CFAP100: variants seen among roughly 807,000 people sequenced by gnomAD.
The protein encoded by CFAP100 is cilia and flagella associated protein 100, also known as cilia- and flagella-associated protein 100.
Under a neutral mutation model 81.5 loss-of-function variants are expected in CFAP100, and 70 were observed. The observed-to-expected ratio is 0.86, with a 90% CI of 0.71 to 1.05. CFAP100 has a LOEUF of 1.05. Among genes scored for constraint, CFAP100 ranks in the 50% least tolerant of loss-of-function variants. The pLI, the probability that CFAP100 is intolerant of heterozygous loss-of-function variation, is 0.00. For synonymous variants in CFAP100, 341 were observed against 314.8 expected, an observed-to-expected ratio of 1.08 and a Z score of -0.88; for missense variants, 811 against 776.5, an observed-to-expected ratio of 1.04 and a Z score of -0.53.
Position 126,433,224 on chromosome 3 carries a change from G to A in CFAP100, c.1422+20G>A. 8.1e-6 allele frequency: 13 copies of A among 1,613,688 alleles called. No homozygotes were observed. The highest frequency in any genetic ancestry group is 1.1e-5 in the Non-Finnish European group (13 of 1,179,748). On this transcript the variant is annotated intron_variant, in intron 14 of 16. Coordinates refer to ENST00000352312, the MANE Select transcript of CFAP100 (RefSeq NM_182628.3). Reference sequence around the variant, plus strand: ...CAGCAGGTAGGCTGGGGATCAAGGTGGCCAGAGGCCCAGGGTAAGGAGGGA... The same window carrying A: ...CAGCAGGTAGGCTGGGGATCAAGGTAGCCAGAGGCCCAGGGTAAGGAGGGA...
chr3:126,399,873 G>A (rs759652033), intron 2 of CFAP100, among the ~76,000 whole-genome samples: 6 of 152,182 alleles, frequency 3.9e-5, no homozygotes, highest in Non-Finnish European at 8.8e-5. Flanking sequence ...GGTGGCCTGT[G>A]TTCCCGGTAC....
chr3:126,423,749 C>A, intron 13 of CFAP100, 105 bp downstream of exon 13: 1 of 1,382,488 alleles, frequency 7.2e-7, no homozygotes, highest in Non-Finnish European at 1.0e-6. Flanking sequence ...CCGTCCGTGG[C>A]CCTGGCCTGG....
intron 2 of CFAP100, among the ~76,000 whole-genome samples, chr3:126,397,044 C>T (rs1325891855): frequency 6.6e-6 from 1 of 152,222 alleles, no homozygotes; most frequent in Non-Finnish European, 1.5e-5. Flanking sequence ...AGTGCACATA[C>T]AGGCAAATGT....
In CFAP100 at chr3:126,420,489, T is replaced by G. The variant is rs2083313142; in HGVS notation, c.1082+260T>G. On this transcript the variant is annotated intron_variant, in intron 11 of 16. Coordinates refer to ENST00000352312, the MANE Select transcript of CFAP100 (RefSeq NM_182628.3). ...AGCAGGTGTAAGGCTGATTTGTTTTTGAATAATTTCGGGCTCTTGGACAAA... is the reference window on the plus strand; with the variant it reads ...AGCAGGTGTAAGGCTGATTTGTTTTGGAATAATTTCGGGCTCTTGGACAAA... 4.0e-5 allele frequency: 21 copies of G among 526,400 alleles called. No homozygotes were observed. In the South Asian group the frequency reaches 5.0e-4, roughly 12 times the overall value. 32.6% of individuals were successfully genotyped at this position (526,400 alleles called of 1,614,324 possible).
chr3:126,423,782 G>A (rs1017671877), intron 13 of CFAP100, 138 bp downstream of exon 13: 60 of 1,100,976 alleles, frequency 5.4e-5, no homozygotes, highest in Non-Finnish European at 7.6e-5. Context: ...GAAAAGCTCC[G>A]AGCGAAGCTC....
At chr3:126,431,775 C>T (rs571967811) in intron 13 of CFAP100, among the ~76,000 whole-genome samples, 1 of 152,258 alleles carries the variant, frequency 6.6e-6, no homozygotes, top group South Asian at 2.1e-4. Context: ...GTTGAAGAAA[C>T]CAGATCACTT....
intron 13 of CFAP100, among the ~76,000 whole-genome samples, chr3:126,426,759 TAAA>T (rs2107614553): frequency 6.6e-6 from 1 of 152,150 alleles, no homozygotes; most frequent in Non-Finnish European, 1.5e-5. Flanking sequence ...AATAAATAAA[TAAA>T]TAATAAAAAT....
At chr3:126,395,045 C>G (rs2082865088) in intron 1 of CFAP100, 67 bp downstream of exon 1, 1 of 152,610 alleles carries the variant, frequency 6.6e-6, no homozygotes, top group African/African-American at 2.4e-5. Flanking sequence ...GGGGCGGCGG[C>G]AGGGGTGCGA....
In CFAP100 at chr3:126,433,185, A is replaced by G. The variant is rs2107619656; in HGVS notation, c.1403A>G (p.Glu468Gly). The G allele has an allele frequency of 6.2e-7, 1 of 1,614,192 alleles. No homozygotes were observed. The highest frequency in any genetic ancestry group is 2.2e-5 in the East Asian group (1 of 44,870). ...AAAGCCCGAGTCTTCCACTTCGGCG[A>G]GTACAAGGGCGATCAGCAGGTAGGC... ...ELKARVFHFG[E>G]YKGDQQDKLL... is the part of the protein sequence containing the mutation. Residue 468 changes from glutamate to glycine, a missense_variant, in exon 14 of 17, where the codon GAG becomes GGG. Glu to Gly is a moderately conservative substitution (Grantham distance 98, BLOSUM62 -2). Transcript: ENST00000352312.
At position 126,407,168 on chromosome 3, in the gene CFAP100, T is replaced by G; in HGVS notation, c.50-4T>G. Reference sequence around the variant, plus strand: ...CTGCGGCCCTCACTTTTGTGTCTCCTCAGAGAACAGCCTGGAATCCATGAA... The same window carrying G: ...CTGCGGCCCTCACTTTTGTGTCTCCGCAGAGAACAGCCTGGAATCCATGAA... On this transcript the variant is annotated splice_region_variant and splice_polypyrimidine_tract_variant and intron_variant, in intron 2 of 16. Transcript: ENST00000352312. 6.2e-7 allele frequency: 1 copy of G among 1,612,108 alleles called. No homozygotes were observed. The highest frequency in any genetic ancestry group is 8.5e-7 in the Non-Finnish European group (1 of 1,178,546).
At chr3:126,412,733 C>A (rs1225716101) in intron 3 of CFAP100, among the ~76,000 whole-genome samples, 5 of 152,316 alleles carry the variant, frequency 3.3e-5, no homozygotes, top group Admixed American at 3.3e-4. Context: ...ATTCTGACCA[C>A]TCCCAAGTCA....
intron 3 of CFAP100, among the ~76,000 whole-genome samples, chr3:126,411,364 T>TG (rs1362442597): frequency 1.0e-5 from 1 of 95,990 alleles, no homozygotes; most frequent in Non-Finnish European, 2.3e-5. Flanking sequence ...GTTGTTGGTT[T>TG]TTTTTTTTTT....
At chr3:126,406,209 C>T (rs1051123423) in intron 2 of CFAP100, among the ~76,000 whole-genome samples, 13 of 152,290 alleles carry the variant, frequency 8.5e-5, no homozygotes, top group African/African-American at 3.1e-4. Context: ...GAGTTTCAGC[C>T]CAGGCCTGGC....
intron 13 of CFAP100, among the ~76,000 whole-genome samples, chr3:126,432,099 T>G (rs1227929966): frequency 6.6e-6 from 1 of 151,790 alleles, no homozygotes; most frequent in Non-Finnish European, 1.5e-5. Flanking sequence ...GCTAACACAG[T>G]GAAACCCCGT....
rs201722160 is a variant in CFAP100, at chr3:126,407,248, C to T, written c.126C>T (p.Asn42=). 1.1e-5 allele frequency: 18 copies of T among 1,612,416 alleles called. No homozygotes were observed. The highest frequency in any genetic ancestry group is 3.3e-5 in the South Asian group (3 of 90,912). Residue 42 remains asparagine (N), a synonymous_variant, in exon 3 of 17, where the codon AAC becomes AAT. Transcript: ENST00000352312. ...ACCCAAAGAAACAGGCAAGAAAAAA[C>T]GAAGGTAACCTTCAAGCTGGGAGGC... ...EENPKKQARK[N]EEHGPDPSAN...
chr3:126,435,495 G>A (rs888294630), intron 15 of CFAP100, 64 bp from the exon 16 acceptor site: 14 of 1,395,022 alleles, frequency 1.0e-5, no homozygotes, highest in African/African-American at 5.7e-5. Context: ...TGGGGACTCC[G>A]TGTGGAGATT....
rs368926593 is a variant in CFAP100, at chr3:126,420,203, C to T, written c.1056C>T (p.Ser352=). 1.4e-4 allele frequency: 233 copies of T among 1,612,490 alleles called. No homozygotes were observed. The highest frequency in any genetic ancestry group is 1.9e-4 in the Non-Finnish European group (226 of 1,180,010). ...GCCCCCAGCAAGGCAGCCAGCCCAG[C>T]GAGTCCAGCGGTGGCGACTCCAGAG... is the stretch of plus-strand genomic sequence containing the variant. ...LSSPQQGSQP[S]ESSGGDSRGS... is the part of the protein sequence containing the mutation. Residue 352 remains serine (S), a synonymous_variant, in exon 11 of 17, where the codon AGC becomes AGT. Coordinates refer to ENST00000352312, the MANE Select transcript of CFAP100 (RefSeq NM_182628.3).
intron 7 of CFAP100, 130 bp downstream of exon 7, chr3:126,418,904 G>A (rs1041899486): frequency 2.4e-5 from 29 of 1,205,602 alleles, no homozygotes; most frequent in South Asian, 7.2e-5. Context: ...AGGGCCGGTC[G>A]GGAGCCAAGG....
chr3:126,424,020 CA>C (rs1373827167), intron 13 of CFAP100, among the ~76,000 whole-genome samples: 4 of 152,396 alleles, frequency 2.6e-5, no homozygotes, highest in Non-Finnish European at 5.9e-5. Flanking sequence ...ATGCTTCACA[CA>C]GGCACCGAAA....
Sources: gnomAD v4.1 joint callset for allele counts (sites outside exome capture counted in the v4.1 genomes callset) on GRCh38, gnomAD v4.1.1 for gene constraint, MANE v1.5 for transcripts, NCBI Gene and HGNC (gene_info 2026-07-23, HGNC 2026-07-21) for gene names.